Variants in HTR1F observed in about 807,000 individuals in gnomAD.
HTR1F encodes the protein 5-hydroxytryptamine (serotonin) receptor 1F, G protein-coupled.
In HTR1F, 17 loss-of-function variants were observed where a neutral mutation model predicts 24.0. That is an observed-to-expected ratio of 0.71 (90% CI 0.48 to 1.06). The LOEUF is 1.06. HTR1F is among the 50% of genes least tolerant of loss of function. HTR1F has a pLI of 0.00. For synonymous variants in HTR1F, 186 were observed against 156.8 expected, an observed-to-expected ratio of 1.19 and a Z score of -1.39; for missense variants, 391 against 427.8, an observed-to-expected ratio of 0.91 and a Z score of 0.76.
At chr3:87,805,483 T>C (rs1171227196) in intron 1 of HTR1F, among the ~76,000 whole-genome samples, 1 of 152,080 alleles carries the variant, frequency 6.6e-6, no homozygotes, top group African/African-American at 2.4e-5. Context: ...GTGTATTTCA[T>C]ATCTTTTTTT....
chr3:87,824,934 A>C (rs1704433520), intron 2 of HTR1F, among the ~76,000 whole-genome samples: 1 of 152,160 alleles, frequency 6.6e-6, no homozygotes, highest in African/African-American at 2.4e-5. Flanking sequence ...ACCCCTCTCT[A>C]GCTTCTGAAT....
At chr3:87,809,114 A>G (rs1704120212) in intron 1 of HTR1F, among the ~76,000 whole-genome samples, 1 of 151,814 alleles carries the variant, frequency 6.6e-6, no homozygotes, top group South Asian at 2.1e-4. Context: ...TTCTTATATG[A>G]ATAGATTTTT....
intron 1 of HTR1F, among the ~76,000 whole-genome samples, chr3:87,814,968 A>G (rs1466496248): frequency 6.6e-6 from 1 of 152,112 alleles, no homozygotes. Context: ...TCCATCTTTG[A>G]CAAAATTTAA....
intron 2 of HTR1F, among the ~76,000 whole-genome samples, chr3:87,879,281 A>T (rs1483848525): frequency 6.6e-6 from 1 of 152,178 alleles, no homozygotes; most frequent in African/African-American, 2.4e-5. Context: ...TAAAATATTC[A>T]CCCTGAGAGT....
intron 2 of HTR1F, among the ~76,000 whole-genome samples, chr3:87,837,177 A>G (rs1347840726): frequency 6.6e-6 from 1 of 152,118 alleles, no homozygotes; most frequent in East Asian, 1.9e-4. Context: ...AAACCAATTA[A>G]ACAATCTTCA....
chr3:87,837,295 T>A (rs1210081933), intron 2 of HTR1F, among the ~76,000 whole-genome samples: 3 of 152,168 alleles, frequency 2.0e-5, no homozygotes, highest in Admixed American at 6.6e-5. Context: ...TGCTTTTCTC[T>A]GTGTTCACTT....
At chr3:87,953,672 TCTCA>T (rs1433412554) in intron 2 of HTR1F, among the ~76,000 whole-genome samples, 1 of 151,814 alleles carries the variant, frequency 6.6e-6, no homozygotes, top group Middle Eastern at 3.2e-3. Context: ...AAGCTAGCAA[TCTCA>T]CTACTAGGTA....
intron 2 of HTR1F, among the ~76,000 whole-genome samples, chr3:87,982,602 CAG>C (rs1302789969): frequency 1.3e-5 from 2 of 152,156 alleles, no homozygotes; most frequent in Non-Finnish European, 1.5e-5. Context: ...TCTTCAAGAG[CAG>C]AGTCAAGAGC....
At chr3:87,931,561 C>T (rs976534084) in intron 2 of HTR1F, among the ~76,000 whole-genome samples, 26 of 152,130 alleles carry the variant, frequency 1.7e-4, no homozygotes, top group African/African-American at 6.3e-4. Context: ...TGGGTATATA[C>T]CCAGTAATGG....
chr3:87,846,068 G>A (rs962453957), intron 2 of HTR1F, among the ~76,000 whole-genome samples: 5 of 151,852 alleles, frequency 3.3e-5, no homozygotes, highest in African/African-American at 1.2e-4. Context: ...TCCTACTCAG[G>A]TGGATCTGAG....
At chr3:87,869,503 A>G (rs1320327899) in intron 2 of HTR1F, among the ~76,000 whole-genome samples, 1 of 145,392 alleles carries the variant, frequency 6.9e-6, no homozygotes, top group South Asian at 2.1e-4. Flanking sequence ...ATTCTAAAGA[A>G]CTGTTTTATA....
intron 2 of HTR1F, among the ~76,000 whole-genome samples, chr3:87,914,606 G>T (rs1703851733): frequency 6.6e-6 from 1 of 151,910 alleles, no homozygotes; most frequent in South Asian, 2.1e-4. Context: ...GCATGACTCA[G>T]CAGAGGCAGC....
At chr3:87,858,027 C>T (rs144042834) in intron 2 of HTR1F, among the ~76,000 whole-genome samples, 94 of 152,226 alleles carry the variant, frequency 6.2e-4, no homozygotes, top group Admixed American at 1.6e-3. Context: ...ATTACTCTAT[C>T]GGTCCTTTGG....
At chr3:87,815,958 G>A (rs918564060) in intron 1 of HTR1F, among the ~76,000 whole-genome samples, 29 of 151,984 alleles carry the variant, frequency 1.9e-4, no homozygotes, top group African/African-American at 7.0e-4. Flanking sequence ...TTTTCATTGA[G>A]GGATAAATTA....
At chr3:87,979,621 G>A (rs1369276894) in intron 2 of HTR1F, among the ~76,000 whole-genome samples, 1 of 152,194 alleles carries the variant, frequency 6.6e-6, no homozygotes. Flanking sequence ...GTGGCCAGTA[G>A]CACCTTTGCC....
At chr3:87,837,009 A>G (rs1704696620) in intron 2 of HTR1F, among the ~76,000 whole-genome samples, 1 of 152,108 alleles carries the variant, frequency 6.6e-6, no homozygotes, top group East Asian at 1.9e-4. Flanking sequence ...TTGTGATAAG[A>G]AACATGAAAT....
chr3:87,993,735 C>T lies in HTR1F; in HGVS notation c.*1885C>T, dbSNP rs367798356. 3.0e-5 allele frequency: 5 copies of T among 166,942 alleles called. No homozygotes were observed. Among genetic ancestry groups the T allele is most frequent in the East Asian group, 3.9e-4 (2 of 5,164 alleles). The allele number at this position is 166,942 out of a possible 1,614,324, so 10.3% of individuals were successfully genotyped here. On this transcript the variant is annotated 3_prime_UTR_variant, in exon 3 of 3. Coordinates refer to ENST00000319595, the MANE Select transcript of HTR1F (RefSeq NM_001322209.2). ...GGGCATTTTTGTGGCTGACTTTGAA[C>T]GTCAGAAAAAAGTCTACAGTCAATT... is the stretch of plus-strand genomic sequence containing the variant.
At chr3:87,858,661 G>T (rs1279149103) in intron 2 of HTR1F, among the ~76,000 whole-genome samples, 7 of 147,930 alleles carry the variant, frequency 4.7e-5, no homozygotes, top group South Asian at 2.2e-4. Flanking sequence ...GATATTCTCG[G>T]TTTTTTTTTT....
chr3:87,979,847 C>A (rs1456351102), intron 2 of HTR1F, among the ~76,000 whole-genome samples: 1 of 152,208 alleles, frequency 6.6e-6, no homozygotes, highest in Non-Finnish European at 1.5e-5. Context: ...CTCTGTGCAA[C>A]CCTGCAGCTG....
Sources: allele counts gnomAD v4.1 joint callset (sites outside exome capture counted in the v4.1 genomes callset), GRCh38; gene constraint gnomAD v4.1.1; transcripts MANE v1.5; gene names NCBI Gene and HGNC (gene_info 2026-07-23, HGNC 2026-07-21).